CNTN5: variants seen among roughly 807,000 people sequenced by gnomAD.
CNTN5 encodes contactin-5.
In CNTN5, 77 loss-of-function variants were observed where a neutral mutation model predicts 129.1. That is an observed-to-expected ratio of 0.60 (90% CI 0.50 to 0.72). The LOEUF is 0.72. Ranked by LOEUF, CNTN5 falls within the 30% of genes least tolerant of loss-of-function variation. The pLI is 0.00. For missense variants in CNTN5, 1,478 were observed against 1,328.8 expected, an observed-to-expected ratio of 1.11 and a Z score of -1.75; for synonymous variants, 509 against 465.6, an observed-to-expected ratio of 1.09 and a Z score of -1.20.
intron 6 of CNTN5, among the ~76,000 whole-genome samples, chr11:99,856,686 TATTAG>T (rs1948045635): frequency 6.6e-6 from 1 of 152,060 alleles, no homozygotes; most frequent in African/African-American, 2.4e-5. Flanking sequence ...CAATGAAAAA[TATTAG>T]CTCTTTGTCT....
At chr11:100,258,443 C>A (rs551508811) in intron 17 of CNTN5, among the ~76,000 whole-genome samples, 1 of 152,234 alleles carries the variant, frequency 6.6e-6, no homozygotes, top group Non-Finnish European at 1.5e-5. Context: ...GAGAACACCA[C>A]AAAGATACTC....
intron 2 of CNTN5, among the ~76,000 whole-genome samples, chr11:99,387,247 C>T (rs1940973758): frequency 6.6e-6 from 1 of 151,992 alleles, no homozygotes; most frequent in Non-Finnish European, 1.5e-5. Context: ...AATTCTATCC[C>T]CCCAAAATTT....
chr11:99,654,308 G>A (rs1952268368), intron 3 of CNTN5, among the ~76,000 whole-genome samples: 1 of 152,090 alleles, frequency 6.6e-6, no homozygotes. Flanking sequence ...AGAATTTTGA[G>A]ATTGGTAGCC....
chr11:99,512,827 T>C (rs1045078848), intron 2 of CNTN5, among the ~76,000 whole-genome samples: 1 of 152,118 alleles, frequency 6.6e-6, no homozygotes, highest in South Asian at 2.1e-4. Flanking sequence ...TCCTCCATCC[T>C]TATTCCCTGA....
chr11:99,101,613 A>G (rs899941583), intron 1 of CNTN5, among the ~76,000 whole-genome samples: 1 of 152,204 alleles, frequency 6.6e-6, no homozygotes, highest in African/African-American at 2.4e-5. Flanking sequence ...CCAGTGGGGC[A>G]GTCAAATCTA....
At chr11:99,348,435 C>T (rs1938060637) in intron 2 of CNTN5, among the ~76,000 whole-genome samples, 1 of 152,136 alleles carries the variant, frequency 6.6e-6, no homozygotes, top group African/African-American at 2.4e-5. Flanking sequence ...CTTCTACTAC[C>T]ATGTAGTTAT....
chr11:99,692,698 T>G (rs886069385), intron 3 of CNTN5, among the ~76,000 whole-genome samples: 2 of 152,114 alleles, frequency 1.3e-5, no homozygotes, highest in Non-Finnish European at 2.9e-5. Context: ...TGAAATGTTT[T>G]TATAGTCAAA....
intron 1 of CNTN5, among the ~76,000 whole-genome samples, chr11:99,240,454 A>G (rs1457050132): frequency 6.6e-6 from 1 of 152,072 alleles, no homozygotes; most frequent in Non-Finnish European, 1.5e-5. Flanking sequence ...ACAGAAGAAA[A>G]CATTTGTGTT....
intron 1 of CNTN5, among the ~76,000 whole-genome samples, chr11:99,098,778 T>C (rs1040483658): frequency 6.6e-6 from 1 of 152,076 alleles, no homozygotes; most frequent in Non-Finnish European, 1.5e-5. Flanking sequence ...TAAATCTTAA[T>C]AGAAAGTATT....
chr11:99,814,536 G>T (rs532915133), intron 3 of CNTN5, among the ~76,000 whole-genome samples: 1 of 152,022 alleles, frequency 6.6e-6, no homozygotes, highest in Non-Finnish European at 1.5e-5. Flanking sequence ...AGAGTGTGTC[G>T]ACAGTTGGAC....
At chr11:100,034,159 T>A (rs1941863631) in intron 9 of CNTN5, among the ~76,000 whole-genome samples, 1 of 152,208 alleles carries the variant, frequency 6.6e-6, no homozygotes. Flanking sequence ...TCTCAAGTTT[T>A]TAACTTCTGT....
In CNTN5 at chr11:99,395,291, G is replaced by A. The variant is rs1029797854; in HGVS notation, c.-71+69807G>A. Among the ~76,000 whole-genome samples the A allele has an allele frequency of 5.3e-5, 8 of 152,108 alleles. No individual in the cohort carries two copies. In the East Asian group the frequency reaches 7.7e-4, roughly 15 times the overall value. ...TTGATTTGCATTTCTCTAATGATCG[G>A]TGGTGTCGAGCTTTTTTTATATGAT... On this transcript the variant is annotated intron_variant, in intron 2 of 24. Transcript: ENST00000524871.
intron 9 of CNTN5, 128 bp from the exon 10 acceptor site, chr11:100,061,084 C>A (rs1299036089): frequency 3.1e-6 from 2 of 653,918 alleles, no homozygotes; most frequent in Non-Finnish European, 2.5e-6. Flanking sequence ...TATCAACCAG[C>A]ACATGGTCCT....
intron 16 of CNTN5, among the ~76,000 whole-genome samples, chr11:100,248,908 A>T (rs777096730): frequency 6.6e-6 from 1 of 152,208 alleles, no homozygotes; most frequent in Non-Finnish European, 1.5e-5. Flanking sequence ...TTGTTAGCAC[A>T]TGAATTTATC....
intron 3 of CNTN5, among the ~76,000 whole-genome samples, chr11:99,702,513 T>A (rs1954567207): frequency 6.6e-6 from 1 of 151,022 alleles, no homozygotes; most frequent in African/African-American, 2.4e-5. Flanking sequence ...TAAAATGTAA[T>A]TATTATCATA....
chr11:100,355,067 C>T (rs2139048580), intron 24 of CNTN5, among the ~76,000 whole-genome samples: 1 of 151,734 alleles, frequency 6.6e-6, no homozygotes, highest in Non-Finnish European at 1.5e-5. Context: ...ATAAACTTAG[C>T]TTACTGTAAC....
At chr11:100,223,470 G>T (rs1448538177) in intron 15 of CNTN5, among the ~76,000 whole-genome samples, 1 of 152,086 alleles carries the variant, frequency 6.6e-6, no homozygotes, top group Non-Finnish European at 1.5e-5. Context: ...AAATTCAAAA[G>T]ATATCTGGAA....
chr11:100,149,516 T>G (rs935599223), intron 13 of CNTN5, among the ~76,000 whole-genome samples: 1 of 152,166 alleles, frequency 6.6e-6, no homozygotes, highest in African/African-American at 2.4e-5. Context: ...GCTTTTAAAA[T>G]TATATTTATT....
At chr11:99,144,218 A>G (rs1859669003) in intron 1 of CNTN5, among the ~76,000 whole-genome samples, 1 of 152,218 alleles carries the variant, frequency 6.6e-6, no homozygotes, top group African/African-American at 2.4e-5. Context: ...GCCTAACCAA[A>G]TTGAGAATTT....
Sources: allele counts gnomAD v4.1 joint callset (sites outside exome capture counted in the v4.1 genomes callset), GRCh38; gene constraint gnomAD v4.1.1; transcripts MANE v1.5; gene names NCBI Gene and HGNC (gene_info 2026-07-23, HGNC 2026-07-21).